STPG2: variants seen among roughly 807,000 people sequenced by gnomAD.
STPG2 encodes sperm-tail PG-rich repeat-containing protein 2.
In STPG2, 56 loss-of-function variants were observed where a neutral mutation model predicts 54.2. The ratio of observed to expected loss-of-function variants is 1.03; its 90% CI spans 0.83 to 1.29. STPG2 has a LOEUF of 1.29. Among genes scored for constraint, STPG2 ranks in the 50% most tolerant of loss-of-function variants. STPG2 has a pLI of 0.00. For synonymous variants in STPG2, 200 were observed against 181.8 expected (o/e 1.10, Z -0.81); for missense variants, 596 against 544.9 (o/e 1.09, Z -0.93).
chr4:98,096,391 C>T (rs1084777), intron 5 of STPG2, among the ~76,000 whole-genome samples: 66,357 of 142,666 alleles, frequency 0.47, 15,084 homozygotes, highest in Admixed American at 0.59. Context: ...GAGTGAAACC[C>T]TGTCTCAAAA....
intron 4 of STPG2, among the ~76,000 whole-genome samples, chr4:97,451,527 G>A (rs1408957546): frequency 3.3e-5 from 5 of 152,022 alleles, no homozygotes; most frequent in African/African-American, 9.7e-5. Flanking sequence ...TTTGTTAACA[G>A]AAAAGATTCA....
chr4:97,923,086 G>A lies in STPG2; in HGVS notation c.1044+20811C>T, dbSNP rs180735927. Among the ~76,000 whole-genome samples the A allele has an allele frequency of 6.8e-4, 104 of 152,354 alleles. No homozygotes were observed. In the South Asian group the frequency reaches 7.5e-3, roughly 11 times the overall value. ...AATAATAATATTGAGAGGTGACAGC[G>A]TGCTGGCAGCCCTCGCAGCCCTCGC... On this transcript the variant is annotated intron_variant, in intron 8 of 10. Coordinates refer to ENST00000295268, the MANE Select transcript of STPG2 (RefSeq NM_174952.3).
chr4:97,843,557 C>T (rs998379720), intron 8 of STPG2, among the ~76,000 whole-genome samples: 13 of 151,880 alleles, frequency 8.6e-5, no homozygotes, highest in Non-Finnish European at 1.3e-4. Context: ...ATAGGACTTA[C>T]GAACCCCTCA....
chr4:98,100,657 T>G (rs1738998427), intron 5 of STPG2, among the ~76,000 whole-genome samples: 1 of 150,070 alleles, frequency 6.7e-6, no homozygotes, highest in Non-Finnish European at 1.5e-5. Context: ...ATCTTCTTTT[T>G]CTTTCTTTTT....
intron 4 of STPG2, among the ~76,000 whole-genome samples, chr4:97,544,527 T>C (rs1731793488): frequency 6.6e-6 from 1 of 152,040 alleles, no homozygotes. Flanking sequence ...AATTGTGTAA[T>C]ATAAATAGCC....
At chr4:97,448,933 T>C (rs1455022908) in intron 4 of STPG2, among the ~76,000 whole-genome samples, 1 of 152,178 alleles carries the variant, frequency 6.6e-6, no homozygotes, top group African/African-American at 2.4e-5. Flanking sequence ...TTGTATCATT[T>C]ATAAACTTTG....
chr4:97,517,049 A>T (rs1731089897), intron 4 of STPG2, among the ~76,000 whole-genome samples: 1 of 151,810 alleles, frequency 6.6e-6, no homozygotes, highest in Middle Eastern at 3.2e-3. Flanking sequence ...CTGGGATTAT[A>T]GGCCTGTGCC....
chr4:97,963,437 C>T lies in STPG2; in HGVS notation c.933+8843G>A, dbSNP rs562673383. Among the ~76,000 whole-genome samples, 134 of 152,194 alleles carry T rather than the reference C, an allele frequency of 8.8e-4. 1 individual carries two copies. Among genetic ancestry groups the T allele is most frequent in the African/African-American group, 3.1e-3 (129 of 41,534 alleles). ...TTTGGGAGGCAGAGGCAGGGGGACT[C>T]GTGCCAGGAGTTCAAGATCATCCTG... On this transcript the variant is annotated intron_variant, in intron 7 of 10. Coordinates refer to ENST00000295268, the MANE Select transcript of STPG2 (RefSeq NM_174952.3).
chr4:98,052,703 C>G (rs1245745585), intron 5 of STPG2, among the ~76,000 whole-genome samples: 1 of 152,134 alleles, frequency 6.6e-6, no homozygotes, highest in African/African-American at 2.4e-5. Context: ...TGTTTGGTGA[C>G]TAGAAAGCAT....
intron 8 of STPG2, among the ~76,000 whole-genome samples, chr4:97,935,285 A>C (rs561506521): frequency 6.6e-6 from 1 of 152,184 alleles, no homozygotes; most frequent in South Asian, 2.1e-4. Flanking sequence ...TTTGCCCAGA[A>C]GTTAATGAAG....
intron 5 of STPG2, among the ~76,000 whole-genome samples, chr4:98,082,044 G>A (rs1361906585): frequency 1.3e-5 from 2 of 152,156 alleles, no homozygotes; most frequent in African/African-American, 4.8e-5. Flanking sequence ...AAGTTTATGA[G>A]AAAGTTATGA....
At chr4:97,636,019 C>A (rs1031994155) in intron 10 of STPG2, among the ~76,000 whole-genome samples, 5 of 152,110 alleles carry the variant, frequency 3.3e-5, no homozygotes, top group Admixed American at 1.3e-4. Flanking sequence ...ACTCTCCACC[C>A]CAAATCAACA....
Position 97,826,278 on chromosome 4 carries a change from TAAG to T in STPG2, c.1204+14492_1204+14494del, listed in dbSNP as rs1728256151. Among the ~76,000 whole-genome samples the T allele has an allele frequency of 2.6e-5, 4 of 152,220 alleles. No individual in the cohort carries two copies. The South Asian group carries it at 8.3e-4, about 31-fold the overall frequency. On this transcript the variant is annotated intron_variant, in intron 9 of 10. Coordinates refer to ENST00000295268, the MANE Select transcript of STPG2 (RefSeq NM_174952.3). ...AGAATGTACTTTTGGTAAAAGATTA[TAAG>T]AAGACATGGGAATGTGAATTTCTTG...
intron 8 of STPG2, among the ~76,000 whole-genome samples, chr4:97,904,425 A>C (rs1196106962): frequency 2.0e-5 from 3 of 152,218 alleles, no homozygotes; most frequent in Non-Finnish European, 4.4e-5. Context: ...AACAAACAGA[A>C]AGGATATCCA....
intron 9 of STPG2, among the ~76,000 whole-genome samples, chr4:97,764,269 T>C (rs975141631): frequency 6.6e-6 from 1 of 152,018 alleles, no homozygotes; most frequent in Admixed American, 6.6e-5. Context: ...CTAGAACAGA[T>C]TCCATCTTAT....
rs77159197 is a variant in STPG2, at chr4:97,979,574, A to G, written c.772+1585T>C. Among the ~76,000 whole-genome samples, 618 of 152,262 alleles carry G rather than the reference A, an allele frequency of 4.1e-3. 29 individuals are homozygous for G. The East Asian group carries it at 0.1, about 25-fold the overall frequency. On this transcript the variant is annotated intron_variant, in intron 6 of 10. Coordinates refer to ENST00000295268, the MANE Select transcript of STPG2 (RefSeq NM_174952.3). The stretch of plus-strand genomic sequence containing the variant: ...ACCACAAATAAGAATCCTCATCTGC[A>G]CTTATACCTGACTTAGATGACAAGA...
At chr4:97,879,385 G>C (rs1730292342) in intron 8 of STPG2, among the ~76,000 whole-genome samples, 1 of 152,134 alleles carries the variant, frequency 6.6e-6, no homozygotes, top group Non-Finnish European at 1.5e-5. Context: ...AATTTATAAA[G>C]AAAAAGAGGT....
At chr4:97,688,107 T>G (rs1011274245) in intron 10 of STPG2, among the ~76,000 whole-genome samples, 1 of 152,136 alleles carries the variant, frequency 6.6e-6, no homozygotes, top group Admixed American at 6.5e-5. Flanking sequence ...ATGAAAATCT[T>G]TAGTAAATTT....
intron 4 of STPG2, among the ~76,000 whole-genome samples, chr4:97,455,151 T>A: frequency 6.6e-6 from 1 of 151,498 alleles, no homozygotes; most frequent in East Asian, 1.9e-4. Flanking sequence ...ACTAGAAAAC[T>A]CCTAGGAGAT....
Sources: allele counts gnomAD v4.1 joint callset (sites outside exome capture counted in the v4.1 genomes callset), GRCh38; gene constraint gnomAD v4.1.1; transcripts MANE v1.5; gene names NCBI Gene and HGNC (gene_info 2026-07-23, HGNC 2026-07-21).